SGIP1: variants seen among roughly 807,000 people sequenced by gnomAD.
The protein encoded by SGIP1 is SH3-containing GRB2-like protein 3-interacting protein 1.
In SGIP1, 38 loss-of-function variants were observed where a neutral mutation model predicts 107.5. That is an observed-to-expected ratio of 0.35 (90% CI 0.27 to 0.46). The LOEUF is 0.46. SGIP1 is among the 20% of genes least tolerant of loss of function. The pLI, the probability that SGIP1 is intolerant of heterozygous loss-of-function variation, is 1.00. For synonymous variants in SGIP1, 365 were observed against 366.1 expected (o/e 1.00, Z 0.03); for missense variants, 929 against 1,019.5 (o/e 0.91, Z 1.21).
At chr1:66,609,170 C>A (rs923098190) in intron 1 of SGIP1, among the ~76,000 whole-genome samples, 5 of 152,084 alleles carry the variant, frequency 3.3e-5, no homozygotes, top group African/African-American at 1.2e-4. Flanking sequence ...AAAACGAATG[C>A]CTTCAATTGG....
Position 66,741,300 on chromosome 1 carries a change from G to T in SGIP1, c.2328G>T (p.Gln776His). The T allele has an allele frequency of 6.3e-7, 1 of 1,597,414 alleles. No individual in the cohort carries two copies. Among genetic ancestry groups the T allele is most frequent in the Non-Finnish European group, 8.5e-7 (1 of 1,172,686 alleles). Residue 776 changes from glutamine to histidine, a missense_variant, in exon 24 of 25, where the codon CAG becomes CAT. Transcript: ENST00000371037. ...GGVGSLLARF[Q>H]LSEGPSKPSP... ...TGGGTTCTTTGTTGGCAAGATTTCA[G>T]TTATCTGAAGGCCCAAGCAAACCTT...
Position 66,749,752 on chromosome 1 carries a change from T to C in SGIP1, c.*6657T>C, listed in dbSNP as rs1277693341. Among the ~76,000 whole-genome samples the C allele has an allele frequency of 6.6e-6, 1 of 152,072 alleles. No individual in the cohort carries two copies. The highest frequency in any genetic ancestry group is 1.5e-5 in the Non-Finnish European group (1 of 67,952). ...TCAGTTTTACATTACTTTTATGAAT[T>C]TTTTTTCTCGCAAAGTAAATGCTTG... On this transcript the variant is annotated 3_prime_UTR_variant, in exon 25 of 25. Transcript: ENST00000371037.
At chr1:66,728,462 C>T (rs2093859197) in intron 19 of SGIP1, among the ~76,000 whole-genome samples, 1 of 152,094 alleles carries the variant, frequency 6.6e-6, no homozygotes, top group Non-Finnish European at 1.5e-5. Context: ...AAGTGCTGAC[C>T]ATTGAGTTCT....
chr1:66,725,807 T>C (rs1225978685), intron 19 of SGIP1, among the ~76,000 whole-genome samples: 3 of 152,148 alleles, frequency 2.0e-5, no homozygotes, highest in Admixed American at 6.6e-5. Flanking sequence ...CAGCTGCTCA[T>C]GGGAAGGTGT....
intron 1 of SGIP1, among the ~76,000 whole-genome samples, chr1:66,536,893 A>T (rs2053743702): frequency 6.6e-6 from 1 of 152,218 alleles, no homozygotes; most frequent in African/African-American, 2.4e-5. Context: ...CAGAAAAAGC[A>T]TGGCCATGGC....
chr1:66,705,481 A>T (rs760991936), intron 18 of SGIP1, among the ~76,000 whole-genome samples: 2 of 152,202 alleles, frequency 1.3e-5, no homozygotes, highest in Non-Finnish European at 2.9e-5. Flanking sequence ...TGGCAAATGA[A>T]TCTAGGGAGA....
intron 18 of SGIP1, among the ~76,000 whole-genome samples, chr1:66,695,843 G>T (rs77943156): frequency 2.6e-4 from 39 of 152,270 alleles, no homozygotes; most frequent in Non-Finnish European, 4.6e-4. Context: ...TTTTGCAAAT[G>T]CAGTGCAACA....
chr1:66,684,795 AT>A (rs2087786544), intron 15 of SGIP1, among the ~76,000 whole-genome samples: 1 of 152,168 alleles, frequency 6.6e-6, no homozygotes, highest in African/African-American at 2.4e-5. Context: ...TCTTTCTGGA[AT>A]TTTTGAGAGT....
At chr1:66,673,407 T>G (rs1478030799) in intron 12 of SGIP1, 41 bp downstream of exon 12, 1 of 1,521,872 alleles carries the variant, frequency 6.6e-7, no homozygotes, top group East Asian at 2.3e-5. Flanking sequence ...TTGTTTTTTC[T>G]TTTATTAAAG....
rs1255520764 is a variant in SGIP1, at chr1:66,741,264, T to C, written c.2300-8T>C. ...ACTGTTACCTTGTAATAATGTGTTT[T>C]TTTTTAGGGGTGGGTTCTTTGTTGG... is the stretch of plus-strand genomic sequence containing the variant. On this transcript the variant is annotated splice_polypyrimidine_tract_variant and splice_region_variant and intron_variant, in intron 23 of 24. Coordinates refer to ENST00000371037, the MANE Select transcript of SGIP1 (RefSeq NM_032291.4). The C allele has an allele frequency of 1.3e-6, 2 of 1,568,198 alleles. No individual in the cohort carries two copies. The highest frequency in any genetic ancestry group is 1.7e-6 in the Non-Finnish European group (2 of 1,160,430).
intron 12 of SGIP1, among the ~76,000 whole-genome samples, chr1:66,676,790 C>T (rs1571676294): frequency 6.6e-6 from 1 of 152,034 alleles, no homozygotes; most frequent in African/African-American, 2.4e-5. Context: ...TATGTACACA[C>T]ACAGACACTC....
intron 15 of SGIP1, among the ~76,000 whole-genome samples, chr1:66,686,668 G>A (rs909698601): frequency 2.0e-5 from 3 of 152,170 alleles, no homozygotes; most frequent in African/African-American, 7.2e-5. Flanking sequence ...GTCAAGCAGG[G>A]TTTTAACTGA....
intron 5 of SGIP1, among the ~76,000 whole-genome samples, chr1:66,642,067 T>C (rs1286546245): frequency 1.3e-5 from 2 of 152,224 alleles, no homozygotes; most frequent in Non-Finnish European, 2.9e-5. Flanking sequence ...TGGAACATAC[T>C]TCCAGAACTC....
At chr1:66,601,712 T>C (rs1027484538) in intron 1 of SGIP1, among the ~76,000 whole-genome samples, 1 of 152,122 alleles carries the variant, frequency 6.6e-6, no homozygotes, top group Non-Finnish European at 1.5e-5. Context: ...AAGTGAAGTA[T>C]TTTACAAAAA....
At chr1:66,740,579 C>A in intron 22 of SGIP1, 79 bp from the exon 23 acceptor site, 2 of 857,230 alleles carry the variant, frequency 2.3e-6, no homozygotes, top group Non-Finnish European at 3.8e-6. Flanking sequence ...AAAATTAATA[C>A]TATCTGGAAA....
In SGIP1 at chr1:66,689,244, T is replaced by C. The variant is rs1343708827; in HGVS notation, c.1412T>C (p.Leu471Pro). ...PPPRPPSRPK[L>P]PPGKPGVGDV... is the part of the protein sequence containing the mutation. ...CCCCGGCCTCCATCCCGGCCAAAGCTACCTCCAGGAAAACCTGGAGTTGGA... is the reference window on the plus strand; with the variant it reads ...CCCCGGCCTCCATCCCGGCCAAAGCCACCTCCAGGAAAACCTGGAGTTGGA... The change falls in exon 16 of 25, where the codon CTA (leucine) becomes CCA (proline). Residue 471 changes from leucine to proline, a missense_variant. Leu to Pro is a moderately conservative substitution (Grantham distance 98). Coordinates refer to ENST00000371037, the MANE Select transcript of SGIP1 (RefSeq NM_032291.4). 5.0e-6 allele frequency: 8 copies of C among 1,613,670 alleles called. No homozygotes were observed. The highest frequency in any genetic ancestry group is 5.9e-6 in the Non-Finnish European group (7 of 1,179,742).
chr1:66,630,146 T>C (rs1010905475), intron 2 of SGIP1, among the ~76,000 whole-genome samples: 8 of 152,142 alleles, frequency 5.3e-5, no homozygotes, highest in Non-Finnish European at 7.4e-5. Flanking sequence ...AGGATCAGAA[T>C]AGGACTCCAG....
At chr1:66,648,605 G>A (rs1031032641) in intron 7 of SGIP1, among the ~76,000 whole-genome samples, 4 of 152,132 alleles carry the variant, frequency 2.6e-5, no homozygotes, top group African/African-American at 9.7e-5. Flanking sequence ...GAGACCTGGG[G>A]TGTCTATGGC....
chr1:66,722,864 C>T (rs931590287), intron 19 of SGIP1, among the ~76,000 whole-genome samples: 51 of 152,066 alleles, frequency 3.4e-4, no homozygotes, highest in Non-Finnish European at 1.5e-4. Flanking sequence ...CCTTGGCATT[C>T]CAATGACATG....
Sources: gnomAD v4.1 joint callset for allele counts (sites outside exome capture counted in the v4.1 genomes callset) on GRCh38, gnomAD v4.1.1 for gene constraint, MANE v1.5 for transcripts, NCBI Gene and HGNC (gene_info 2026-07-23, HGNC 2026-07-21) for gene names.